ZNF430: variants seen among roughly 807,000 people sequenced by gnomAD.
The protein encoded by ZNF430 is zinc finger protein 430.
ZNF430 carries 35 observed loss-of-function variants against 56.7 expected under a neutral mutation model. The ratio of observed to expected loss-of-function variants is 0.62; its 90% CI spans 0.47 to 0.82. The LOEUF (loss-of-function observed/expected upper bound fraction) is 0.82. Ranked by LOEUF, ZNF430 falls within the 40% of genes least tolerant of loss-of-function variation. The pLI is 0.00. For missense variants in ZNF430, 574 were observed against 661.0 expected (o/e 0.87, Z 1.44); for synonymous variants, 212 against 224.3 (o/e 0.94, Z 0.49).
chr19:21,028,116 C>T (rs537635587), intron 2 of ZNF430, among the ~76,000 whole-genome samples: 3 of 152,118 alleles, frequency 2.0e-5, no homozygotes, highest in Non-Finnish European at 4.4e-5. Context: ...TTACAGGACA[C>T]GGCCAGACTT....
At chr19:21,048,532 A>G (rs569966072) in intron 4 of ZNF430, among the ~76,000 whole-genome samples, 2 of 152,278 alleles carry the variant, frequency 1.3e-5, no homozygotes, top group South Asian at 4.1e-4. Context: ...ATCCCAAGGC[A>G]GAAGAATTTT....
At chr19:21,027,218 T>A (rs538776371) in intron 2 of ZNF430, among the ~76,000 whole-genome samples, 1 of 152,294 alleles carries the variant, frequency 6.6e-6, no homozygotes, top group Admixed American at 6.5e-5. Context: ...GGCATCCTTA[T>A]CTTGTGCCAG....
chr19:21,049,122 C>T (rs1383994704), intron 4 of ZNF430, among the ~76,000 whole-genome samples: 5 of 125,172 alleles, frequency 4.0e-5, no homozygotes, highest in Admixed American at 1.1e-4. Context: ...TGCAGTGAGC[C>T]GAGATTGCGC....
intron 4 of ZNF430, 142 bp from the exon 5 acceptor site, chr19:21,056,487 TAA>T (rs78527457): frequency 3.4e-3 from 1,573 of 460,940 alleles, no homozygotes; most frequent in South Asian, 6.2e-3. Flanking sequence ...AGACTCTGTC[TAA>T]AAAAAAAAAA....
chr19:21,045,192 CT>C (rs1330973604), intron 4 of ZNF430, among the ~76,000 whole-genome samples: 1 of 152,122 alleles, frequency 6.6e-6, no homozygotes, highest in East Asian at 1.9e-4. Flanking sequence ...ATCTTTCCAG[CT>C]TTTTGCTGTG....
At chr19:21,050,324 C>T (rs1968263211) in intron 4 of ZNF430, among the ~76,000 whole-genome samples, 1 of 152,056 alleles carries the variant, frequency 6.6e-6, no homozygotes, top group South Asian at 2.1e-4. Context: ...CCACCTCATA[C>T]CAATTAACTG....
Position 21,057,489 on chromosome 19 carries a change from T to G in ZNF430, c.1181T>G (p.Ile394Ser), listed in dbSNP as rs1968400863. The change falls in exon 5 of 5, where the codon ATT becomes AGT. Residue 394 changes from isoleucine to serine, a missense_variant. Ile to Ser is a moderately radical substitution (Grantham distance 142, BLOSUM62 -2). Transcript: ENST00000261560. ...TCATACCTTACTAAACATAAGATAA[T>G]TCATACTGGAGAGAAATTCTACAAA... ...RFSYLTKHKI[I>S]HTGEKFYKCE... 2.5e-6 allele frequency: 4 copies of G among 1,613,088 alleles called. No homozygotes were observed. Among genetic ancestry groups the G allele is most frequent in the Non-Finnish European group, 2.5e-6 (3 of 1,179,812 alleles).
intron 2 of ZNF430, among the ~76,000 whole-genome samples, chr19:21,028,612 G>A (rs1472933694): frequency 6.6e-6 from 1 of 152,194 alleles, no homozygotes; most frequent in East Asian, 1.9e-4. Flanking sequence ...GTGTCAGGCT[G>A]ACAAGAGTGG....
At chr19:21,023,740 A>G (rs1967742665) in intron 2 of ZNF430, among the ~76,000 whole-genome samples, 1 of 152,190 alleles carries the variant, frequency 6.6e-6, no homozygotes, top group Non-Finnish European at 1.5e-5. Flanking sequence ...TCTGCAGGGT[A>G]AATTTGTGAC....
intron 4 of ZNF430, among the ~76,000 whole-genome samples, chr19:21,043,105 C>T (rs117553929): frequency 7.9e-5 from 12 of 152,084 alleles, no homozygotes; most frequent in Admixed American, 5.9e-4. Context: ...TGTTGTTGTG[C>T]GGAAGGTTTT....
chr19:21,031,746 CT>C (rs1217433810), intron 2 of ZNF430, among the ~76,000 whole-genome samples: 1 of 152,056 alleles, frequency 6.6e-6, no homozygotes, highest in Non-Finnish European at 1.5e-5. Flanking sequence ...GAAAAAATGG[CT>C]TTTTTTCAGC....
At chr19:21,041,083 C>CT (rs1171267189) in intron 4 of ZNF430, among the ~76,000 whole-genome samples, 1 of 152,060 alleles carries the variant, frequency 6.6e-6, no homozygotes, top group East Asian at 1.9e-4. Flanking sequence ...GTATTGTATG[C>CT]TTTTTTACTT....
chr19:21,044,813 G>GACACAAATAAATAC (rs1968160697), intron 4 of ZNF430, among the ~76,000 whole-genome samples: 1 of 152,110 alleles, frequency 6.6e-6, no homozygotes, highest in Non-Finnish European at 1.5e-5. Flanking sequence ...TCTTGGGAGG[G>GACACAAATAAATAC]TGTTTGTGTC....
At chr19:21,043,980 A>G (rs923384224) in intron 4 of ZNF430, among the ~76,000 whole-genome samples, 5 of 66,574 alleles carry the variant, frequency 7.5e-5, no homozygotes, top group African/African-American at 1.5e-4. Flanking sequence ...TTATTAGCTG[A>G]AGAAGCTTTT....
intron 2 of ZNF430, among the ~76,000 whole-genome samples, chr19:21,030,495 A>T (rs960500840): frequency 4.5e-5 from 6 of 134,014 alleles, no homozygotes; most frequent in Non-Finnish European, 9.8e-5. Flanking sequence ...ATATGTGTAC[A>T]TGTTATTTTC....
At chr19:21,020,990 C>A (rs980483215) in intron 1 of ZNF430, among the ~76,000 whole-genome samples, 187 bp downstream of exon 1, 1 of 152,204 alleles carries the variant, frequency 6.6e-6, no homozygotes, top group African/African-American at 2.4e-5. Flanking sequence ...CGGGCCCCAG[C>A]ACGTCCCGTC....
Position 21,057,454 on chromosome 19 carries a change from T to A in ZNF430, c.1146T>A (p.Phe382Leu). Reference sequence around the variant, plus strand: ...AATGTGAAGAATGTGGCAAAGCTTTTTACCGATTCTCATACCTTACTAAAC... The same window carrying A: ...AATGTGAAGAATGTGGCAAAGCTTTATACCGATTCTCATACCTTACTAAAC... ...PYKCEECGKA[F>L]YRFSYLTKHK... The change falls in exon 5 of 5, where the codon TTT (phenylalanine) becomes TTA (leucine). Residue 382 changes from phenylalanine (F) to leucine (L), a missense_variant. By Grantham distance (22) the Phe-to-Leu change is conservative. Coordinates refer to ENST00000261560, the MANE Select transcript of ZNF430 (RefSeq NM_025189.4). 1 of 1,613,816 alleles carries A rather than the reference T, an allele frequency of 6.2e-7. No homozygotes were observed. The highest frequency in any genetic ancestry group is 8.5e-7 in the Non-Finnish European group (1 of 1,179,958).
intron 4 of ZNF430, among the ~76,000 whole-genome samples, chr19:21,054,687 T>C (rs1968341187): frequency 7.1e-6 from 1 of 141,636 alleles, no homozygotes; most frequent in Non-Finnish European, 1.5e-5. Flanking sequence ...TTTTTTTTTT[T>C]TTTTTTGAGA....
At chr19:21,053,750 G>A (rs751075729) in intron 4 of ZNF430, among the ~76,000 whole-genome samples, 24 of 152,178 alleles carry the variant, frequency 1.6e-4, no homozygotes, top group South Asian at 4.1e-4. Context: ...TGGAAAGTTA[G>A]TTATATATAT....
Sources: allele counts gnomAD v4.1 joint callset (sites outside exome capture counted in the v4.1 genomes callset), GRCh38; gene constraint gnomAD v4.1.1; transcripts MANE v1.5; gene names NCBI Gene and HGNC (gene_info 2026-07-23, HGNC 2026-07-21).